Variants in ZNF776 observed in about 807,000 individuals in gnomAD.
ZNF776 encodes the protein zinc finger protein 776.
ZNF776 carries 4 observed loss-of-function variants against 7.0 expected under a neutral mutation model. The observed-to-expected ratio is 0.57, with a 90% CI of 0.28 to 1.31. The LOEUF (loss-of-function observed/expected upper bound fraction) is 1.31, where lower values mean the gene tolerates loss of function less well. Ranked by LOEUF, ZNF776 falls within the 50% of genes most tolerant of loss-of-function variation. The probability of loss-of-function intolerance (pLI) is 0.10; values close to 1 mark genes in which losing one functional copy is unlikely to be tolerated. For synonymous variants in ZNF776, 212 were observed against 213.7 expected (o/e 0.99, Z 0.07); for missense variants, 555 against 625.9 (o/e 0.89, Z 1.21).
At chr19:57,748,577 T>A (rs1041403647) in intron 1 of ZNF776, among the ~76,000 whole-genome samples, 4 of 152,064 alleles carry the variant, frequency 2.6e-5, no homozygotes, top group Non-Finnish European at 5.9e-5. Context: ...TGGTGGTAAA[T>A]CTTTTAGGGG....
chr19:57,748,371 T>G (rs1041085790), intron 1 of ZNF776, among the ~76,000 whole-genome samples: 1 of 152,182 alleles, frequency 6.6e-6, no homozygotes, highest in Admixed American at 6.5e-5. Flanking sequence ...TAGAATATTA[T>G]GCAAATATCA....
At position 57,756,568 on chromosome 19, in the gene ZNF776, A is replaced by G. The variant is rs1257035327; in HGVS notation, c.*1881A>G. Reference sequence around the variant, plus strand: ...TTTGGATGGCTGCCTAAGGCCTCCAAATAAAGACTTCAGGGCTTTGTGATC... The same window carrying G: ...TTTGGATGGCTGCCTAAGGCCTCCAGATAAAGACTTCAGGGCTTTGTGATC... On this transcript the variant is annotated 3_prime_UTR_variant, in exon 3 of 3. Coordinates refer to ENST00000317178, the MANE Select transcript of ZNF776 (RefSeq NM_173632.4). 1.2e-5 allele frequency: 2 copies of G among 164,854 alleles called. No homozygotes were observed. The highest frequency in any genetic ancestry group is 2.6e-5 in the Non-Finnish European group (2 of 75,734). The allele number at this position is 164,854 out of a possible 1,614,324, so 10.2% of individuals were successfully genotyped here.
chr19:57,753,215 C>A, intron 2 of ZNF776, 76 bp from the exon 3 acceptor site: 1 of 1,353,598 alleles, frequency 7.4e-7, no homozygotes, highest in Non-Finnish European at 1.0e-6. Flanking sequence ...AACAAAGCAG[C>A]TGTTGATCAG....
rs756131418 is a variant in ZNF776, at chr19:57,756,851, C to A, written c.*2164C>A. On this transcript the variant is annotated 3_prime_UTR_variant, in exon 3 of 3. Transcript: ENST00000317178. ...AAGCCTGGAGAAAGAAATCATAATT[C>A]TTTAATTTTTATTTTTTTAGGGAAA... 3 of 455,522 alleles carry A rather than the reference C, an allele frequency of 6.6e-6. No homozygotes were observed. Among genetic ancestry groups the A allele is most frequent in the African/African-American group, 4.0e-5 (2 of 49,990 alleles). 28.2% of individuals were successfully genotyped at this position (455,522 alleles called of 1,614,324 possible). A position where few individuals can be genotyped will look rare whatever the true frequency, so the allele number is the denominator to read the frequency against.
rs1986687119 is a variant in ZNF776, at chr19:57,753,882, T to G, written c.752T>G (p.Phe251Cys). 6.2e-7 allele frequency: 1 copy of G among 1,614,234 alleles called. No individual in the cohort carries two copies. The highest frequency in any genetic ancestry group is 1.3e-5 in the African/African-American group (1 of 75,066). The change falls in exon 3 of 3, where the codon TTT becomes TGT. Residue 251 changes from phenylalanine (F) to cysteine (C), a missense_variant. By Grantham distance (205) the Phe-to-Cys change is radical. Coordinates refer to ENST00000317178, the MANE Select transcript of ZNF776 (RefSeq NM_173632.4). ...SGKFTSKSNS[F>C]NNHQGVRTGK... Reference sequence around the variant, plus strand: ...AAATTCACTAGCAAAAGTAATAGTTTTAATAATCATCAGGGAGTTCGCACT... The same window carrying G: ...AAATTCACTAGCAAAAGTAATAGTTGTAATAATCATCAGGGAGTTCGCACT...
Position 57,750,922 on chromosome 19 carries a change from C to G in ZNF776, c.160+11C>G, listed in dbSNP as rs1471330428. ...TTATATCTTCTCTAGGTAAGGCACT[C>G]ACACTCTTCTCTATGACCTCAGCTA... On this transcript the variant is annotated intron_variant, in intron 2 of 2. Coordinates refer to ENST00000317178, the MANE Select transcript of ZNF776 (RefSeq NM_173632.4). 5 of 1,602,464 alleles carry G rather than the reference C, an allele frequency of 3.1e-6. No individual in the cohort carries two copies. The highest frequency in any genetic ancestry group is 1.3e-5 in the African/African-American group (1 of 74,476).
Position 57,753,747 on chromosome 19 carries a change from C to G in ZNF776, c.617C>G (p.Thr206Ser). The change falls in exon 3 of 3, where the codon ACT becomes AGT. Residue 206 changes from threonine (T) to serine (S), a missense_variant. Thr to Ser is a moderately conservative substitution (Grantham distance 58). Transcript: ENST00000317178. ...KHGIPLQGGKTHYICGESTIP... is the reference protein window; with the variant it reads ...KHGIPLQGGKSHYICGESTIP... The stretch of plus-strand genomic sequence containing the variant: ...GGGATACCCCTTCAGGGTGGAAAAA[C>G]TCATTACATCTGTGGAGAGTCCACA... 6.2e-7 allele frequency: 1 copy of G among 1,614,218 alleles called. No individual in the cohort carries two copies. The highest frequency in any genetic ancestry group is 8.5e-7 in the Non-Finnish European group (1 of 1,180,042).
chr19:57,747,678 C>G (rs1379737418), intron 1 of ZNF776, among the ~76,000 whole-genome samples: 1 of 152,128 alleles, frequency 6.6e-6, no homozygotes, highest in Non-Finnish European at 1.5e-5. Context: ...CTTATCAAAT[C>G]TCATCAGGGA....
In ZNF776 at chr19:57,746,952, A is replaced by G; in HGVS notation, c.-107A>G. On this transcript the variant is annotated 5_prime_UTR_variant, in exon 1 of 3. Transcript: ENST00000317178. ...CACAGAGGCTGCTCTGCAGCTCCTT[A>G]AAGGCGCTAGGCGTGACCCGCACCA... 1 of 1,204,336 alleles carries G rather than the reference A, an allele frequency of 8.3e-7. No homozygotes were observed. The highest frequency in any genetic ancestry group is 1.2e-6 in the Non-Finnish European group (1 of 869,010). The allele number at this position is 1,204,336 out of a possible 1,614,324, so 74.6% of individuals were successfully genotyped here. A position where few individuals can be genotyped will look rare whatever the true frequency, so the allele number is the denominator to read the frequency against.
In ZNF776 at chr19:57,757,024, T is replaced by G. The variant is rs1432780406; in HGVS notation, c.*2337T>G. 1 of 323,432 alleles carries G rather than the reference T, an allele frequency of 3.1e-6. No homozygotes were observed. Among genetic ancestry groups the G allele is most frequent in the Non-Finnish European group, 6.1e-6 (1 of 164,294 alleles). The allele number at this position is 323,432 out of a possible 1,614,324, so 20.0% of individuals were successfully genotyped here. A position where few individuals can be genotyped will look rare whatever the true frequency, so the allele number is the denominator to read the frequency against. On this transcript the variant is annotated 3_prime_UTR_variant, in exon 3 of 3. Transcript: ENST00000317178. The stretch of plus-strand genomic sequence containing the variant: ...GTAATTTAAGAATTTTTTATAGAGA[T>G]AGGGTTTTGCTATTTTACCCTGACT...
intron 2 of ZNF776, 55 bp downstream of exon 2, chr19:57,750,966 C>T: frequency 1.3e-6 from 2 of 1,540,356 alleles, no homozygotes; most frequent in Middle Eastern, 1.8e-4. Context: ...CTGTCCCCAT[C>T]TTTTTTCCCC....
rs908620711 is a variant in ZNF776, at chr19:57,746,895, C to T, written c.-164C>T. 14 of 625,712 alleles carry T rather than the reference C, an allele frequency of 2.2e-5. No individual in the cohort carries two copies. The highest frequency in any genetic ancestry group is 1.8e-4 in the African/African-American group (10 of 54,332). 38.8% of individuals were successfully genotyped at this position (625,712 alleles called of 1,614,324 possible). A position where few individuals can be genotyped will look rare whatever the true frequency, so the allele number is the denominator to read the frequency against. ...TGGGTCGTGTAGAAGTGACTGAACC[C>T]AGAAGGTGGAGACGAGACGTTGTCC... On this transcript the variant is annotated 5_prime_UTR_variant, in exon 1 of 3. Coordinates refer to ENST00000317178, the MANE Select transcript of ZNF776 (RefSeq NM_173632.4).
At chr19:57,750,724 G>A in intron 1 of ZNF776, 61 bp from the exon 2 acceptor site, 1 of 1,548,368 alleles carries the variant, frequency 6.5e-7, no homozygotes, top group Non-Finnish European at 8.7e-7. Flanking sequence ...GGAAGGGCAA[G>A]GGTGGATAAG....
rs1882957206 is a variant in ZNF776 at position 57,756,309 on chromosome 19, CATT to C, written c.*1623_*1625del. ...ACCAACCCAAGTACAAGCTGCCTCT[CATT>C]GTTCTGGTTTCTGCTATGATGAAGT... On this transcript the variant is annotated 3_prime_UTR_variant, in exon 3 of 3. Transcript: ENST00000317178. The C allele has an allele frequency of 6.6e-6, 1 of 152,152 alleles. No homozygotes were observed. Among genetic ancestry groups the C allele is most frequent in the South Asian group, 2.1e-4 (1 of 4,824 alleles). 9.4% of individuals were successfully genotyped at this position (152,152 alleles called of 1,614,324 possible).
At chr19:57,750,491 T>C (rs1568475079) in intron 1 of ZNF776, among the ~76,000 whole-genome samples, 1 of 151,840 alleles carries the variant, frequency 6.6e-6, no homozygotes, top group East Asian at 1.9e-4. Flanking sequence ...GTATGTCTGA[T>C]AGACTGAGGA....
intron 1 of ZNF776, among the ~76,000 whole-genome samples, 153 bp from the exon 2 acceptor site, chr19:57,750,632 T>C (rs890075017): frequency 1.3e-5 from 2 of 152,186 alleles, no homozygotes; most frequent in Non-Finnish European, 1.5e-5. Context: ...CTGATGGCTG[T>C]ACACCATGAC....
chr19:57,751,682 GTT>G (rs1248918001), intron 2 of ZNF776, among the ~76,000 whole-genome samples: 1 of 138,064 alleles, frequency 7.2e-6, no homozygotes, highest in Non-Finnish European at 1.6e-5. Context: ...TTGCTTTTTT[GTT>G]TTTTTTTTTT....
chr19:57,747,949 C>G (rs1986488690), intron 1 of ZNF776, among the ~76,000 whole-genome samples: 1 of 151,402 alleles, frequency 6.6e-6, no homozygotes, highest in South Asian at 2.1e-4. Flanking sequence ...ATTCCCATTT[C>G]TGTCAACCAG....
chr19:57,751,868 GTTTTTTTTT>G (rs768825787), intron 2 of ZNF776, among the ~76,000 whole-genome samples: 2 of 67,528 alleles, frequency 3.0e-5, no homozygotes, highest in East Asian at 9.7e-4. Flanking sequence ...TTTTGGTTTT[GTTTTTTTTT>G]TTTTTTTTTT....
Sources: allele counts gnomAD v4.1 joint callset (sites outside exome capture counted in the v4.1 genomes callset), GRCh38; gene constraint gnomAD v4.1.1; transcripts MANE v1.5; gene names NCBI Gene and HGNC (gene_info 2026-07-23, HGNC 2026-07-21).